Variants in TRUB1 observed in about 807,000 individuals in gnomAD.
The protein encoded by TRUB1 is TruB pseudouridine synthase family member 1, also known as pseudouridylate synthase TRUB1.
Under a neutral mutation model 33.9 loss-of-function variants are expected in TRUB1, and 23 were observed. The ratio of observed to expected loss-of-function variants is 0.68; its 90% CI spans 0.49 to 0.96. The LOEUF (loss-of-function observed/expected upper bound fraction) is 0.96. Ranked by LOEUF, TRUB1 falls within the 40% of genes least tolerant of loss-of-function variation. The probability of loss-of-function intolerance (pLI) is 0.00; values close to 1 mark genes in which losing one functional copy is unlikely to be tolerated. For missense variants in TRUB1, 378 were observed against 422.2 expected, an observed-to-expected ratio of 0.90 and a Z score of 0.92; for synonymous variants, 163 against 165.4, an observed-to-expected ratio of 0.99 and a Z score of 0.11.
At chr10:114,955,337 C>T (rs2084257125) in intron 3 of TRUB1, among the ~76,000 whole-genome samples, 1 of 152,174 alleles carries the variant, frequency 6.6e-6, no homozygotes, top group African/African-American at 2.4e-5. Flanking sequence ...CAGAAGAAAA[C>T]AGATGAGGTT....
At chr10:114,946,656 GAAACAAAC>G (rs200573152) in intron 2 of TRUB1, among the ~76,000 whole-genome samples, 3 of 151,670 alleles carry the variant, frequency 2.0e-5, no homozygotes, top group Non-Finnish European at 4.4e-5. Flanking sequence ...GGTCTTTTTT[GAAACAAAC>G]AAACAAACAA....
At chr10:114,962,697 A>C (rs1451723327) in intron 4 of TRUB1, among the ~76,000 whole-genome samples, 1 of 152,148 alleles carries the variant, frequency 6.6e-6, no homozygotes, top group East Asian at 1.9e-4. Flanking sequence ...ACAATGAAGA[A>C]TTGTCCTGTG....
At chr10:114,961,196 T>C (rs1288260007) in intron 4 of TRUB1, among the ~76,000 whole-genome samples, 2 of 152,086 alleles carry the variant, frequency 1.3e-5, no homozygotes, top group Non-Finnish European at 2.9e-5. Flanking sequence ...AGAATGAATT[T>C]GGAGGTCTCA....
chr10:114,943,447 T>A (rs886625582), intron 2 of TRUB1, among the ~76,000 whole-genome samples: 1 of 152,130 alleles, frequency 6.6e-6, no homozygotes, highest in South Asian at 2.1e-4. Context: ...GAAGAATCAC[T>A]TGAACCTGGG....
At chr10:114,951,273 A>C (rs2084234309) in intron 3 of TRUB1, 124 bp downstream of exon 3, 1 of 661,896 alleles carries the variant, frequency 1.5e-6, no homozygotes, top group Non-Finnish European at 2.6e-6. Context: ...CTGAGTATTA[A>C]TTATGTCTAT....
intron 1 of TRUB1, among the ~76,000 whole-genome samples, chr10:114,941,039 G>T (rs1192118595): frequency 1.3e-5 from 2 of 152,246 alleles, no homozygotes; most frequent in Admixed American, 1.3e-4. Context: ...TCTGGCTTCT[G>T]CATTTCCACT....
intron 4 of TRUB1, among the ~76,000 whole-genome samples, chr10:114,962,138 C>G (rs1222126082): frequency 6.6e-6 from 1 of 152,158 alleles, no homozygotes; most frequent in Non-Finnish European, 1.5e-5. Context: ...TCACTGTAAC[C>G]TCTGCTTCCT....
At chr10:114,954,203 A>G (rs940915769) in intron 3 of TRUB1, among the ~76,000 whole-genome samples, 3 of 152,144 alleles carry the variant, frequency 2.0e-5, no homozygotes, top group African/African-American at 7.2e-5. Context: ...TATGTGTAGG[A>G]TGGAGTTACG....
At chr10:114,961,908 T>G (rs1309519048) in intron 4 of TRUB1, among the ~76,000 whole-genome samples, 1 of 152,224 alleles carries the variant, frequency 6.6e-6, no homozygotes, top group Non-Finnish European at 1.5e-5. Context: ...TACAGAGACC[T>G]ATGACCAATA....
At chr10:114,954,533 C>G (rs1477404278) in intron 3 of TRUB1, among the ~76,000 whole-genome samples, 2 of 152,152 alleles carry the variant, frequency 1.3e-5, no homozygotes, top group East Asian at 3.8e-4. Flanking sequence ...GCATTTCCTC[C>G]CATTCAGATC....
intron 5 of TRUB1, 128 bp from the exon 6 acceptor site, chr10:114,972,007 A>T (rs1250773579): frequency 9.7e-7 from 1 of 1,026,840 alleles, no homozygotes; most frequent in Non-Finnish European, 1.4e-6. Flanking sequence ...AAGGATTTTC[A>T]TTGTGAAGCA....
chr10:114,963,557 G>A (rs900921960), intron 4 of TRUB1, among the ~76,000 whole-genome samples: 3 of 152,192 alleles, frequency 2.0e-5, no homozygotes, highest in African/African-American at 7.2e-5. Flanking sequence ...CCTTAGTCAA[G>A]AAATAGAAGA....
At chr10:114,949,130 G>A (rs1377854049) in intron 2 of TRUB1, among the ~76,000 whole-genome samples, 4 of 152,164 alleles carry the variant, frequency 2.6e-5, no homozygotes, top group African/African-American at 7.2e-5. Flanking sequence ...CATTTCTTGA[G>A]CACTGTGATT....
At chr10:114,970,508 TA>T in intron 5 of TRUB1, 68 bp downstream of exon 5, 1 of 1,173,524 alleles carries the variant, frequency 8.5e-7, no homozygotes, top group Admixed American at 1.8e-5. Flanking sequence ...TCACTCTAGT[TA>T]AAATACACGA....
intron 4 of TRUB1, among the ~76,000 whole-genome samples, chr10:114,966,103 A>G (rs2084306528): frequency 6.6e-6 from 1 of 152,156 alleles, no homozygotes; most frequent in Non-Finnish European, 1.5e-5. Flanking sequence ...CATAGCTATA[A>G]TGAAAACAGT....
rs2084356469 is a variant in TRUB1, at chr10:114,975,469, AT to A, written c.*91del. The A allele has an allele frequency of 5.4e-6, 7 of 1,290,008 alleles. No individual in the cohort carries two copies. The South Asian group carries it at 5.5e-5, about 10-fold the overall frequency. 79.9% of individuals were successfully genotyped at this position (1,290,008 alleles called of 1,614,324 possible). A position where few individuals can be genotyped will look rare whatever the true frequency, so the allele number is the denominator to read the frequency against. ...ACAAGCTGCATTCAAAAGACAAACA[AT>A]ATGTCTTTTTTTTTTTTGCATGAAG... On this transcript the variant is annotated 3_prime_UTR_variant, in exon 8 of 8. Coordinates refer to ENST00000298746, the MANE Select transcript of TRUB1 (RefSeq NM_139169.5).
chr10:114,948,164 G>T (rs1434941556), intron 2 of TRUB1, among the ~76,000 whole-genome samples: 1 of 152,164 alleles, frequency 6.6e-6, no homozygotes, highest in East Asian at 1.9e-4. Context: ...TAGTAATTGT[G>T]CAACAGTGCA....
rs375549668 is a variant in TRUB1 at position 114,964,783 on chromosome 10, T to TAA, written c.523+4984_523+4985dup. 7.1e-4 allele frequency among the ~76,000 whole-genome samples: 107 copies of TAA among 151,720 alleles called. 3 individuals are homozygous for TAA. The South Asian group carries it at 0.022, about 31-fold the overall frequency. On this transcript the variant is annotated intron_variant, in intron 4 of 7. Transcript: ENST00000298746. The stretch of plus-strand genomic sequence containing the variant: ...TCAAGCACCCACTTAGGCTATTGTT[T>TAA]AAAAAAAAATCTATTTTTTTACATT...
chr10:114,940,979 T>C, intron 1 of TRUB1, among the ~76,000 whole-genome samples: 1 of 152,188 alleles, frequency 6.6e-6, no homozygotes, highest in South Asian at 2.1e-4. Context: ...AGTAGAGTGG[T>C]AATTTTGTTG....
Sources: gnomAD v4.1 joint callset for allele counts (sites outside exome capture counted in the v4.1 genomes callset) on GRCh38, gnomAD v4.1.1 for gene constraint, MANE v1.5 for transcripts, NCBI Gene and HGNC (gene_info 2026-07-23, HGNC 2026-07-21) for gene names.